SPG11: variants seen among roughly 807,000 people sequenced by gnomAD.
SPG11 encodes SPG11 vesicle trafficking associated, spatacsin, also known as spatacsin.
SPG11 carries 222 observed loss-of-function variants against 274.0 expected under a neutral mutation model. The ratio of observed to expected loss-of-function variants is 0.81; its 90% CI spans 0.73 to 0.91. SPG11 has a LOEUF of 0.91. SPG11 is among the 40% of genes least tolerant of loss of function. The probability of loss-of-function intolerance (pLI) is 0.00; values close to 1 mark genes in which losing one functional copy is unlikely to be tolerated. For synonymous variants in SPG11, 1,144 were observed against 1,039.7 expected (o/e 1.10, Z -1.93); for missense variants, 3,114 against 2,872.7 (o/e 1.08, Z -1.92).
intron 35 of SPG11, among the ~76,000 whole-genome samples, chr15:44,567,882 A>G (rs1425517561): frequency 1.3e-5 from 2 of 152,248 alleles, no homozygotes; most frequent in Non-Finnish European, 2.9e-5. Flanking sequence ...CTAAAGAGAT[A>G]AGCAGAGAAA....
chr15:44,598,451 T>G, intron 22 of SPG11, 78 bp from the exon 23 acceptor site: 7 of 1,387,470 alleles, frequency 5.0e-6, no homozygotes, highest in Non-Finnish European at 7.1e-6. Context: ...ATAGTGTGGC[T>G]CAGGGCCATT....
At chr15:44,636,948 A>C (rs1328305202) in intron 7 of SPG11, among the ~76,000 whole-genome samples, 40 of 131,002 alleles carry the variant, frequency 3.1e-4, no homozygotes, top group East Asian at 2.0e-3. Context: ...AAAAAAAAAA[A>C]AAAAAAAAAC....
rs189129224 is a variant in SPG11, at chr15:44,620,522, A to G, written c.2621-119T>C. 7.3e-4 allele frequency: 552 copies of G among 755,336 alleles called. 1 individual carries two copies. Among genetic ancestry groups the G allele is most frequent in the Middle Eastern group, 4.9e-3 (13 of 2,638 alleles). The allele number at this position is 755,336 out of a possible 1,614,324, so 46.8% of individuals were successfully genotyped here. A position where few individuals can be genotyped will look rare whatever the true frequency, so the allele number is the denominator to read the frequency against. ...ACATAGATATTTATACAATATATTA[A>G]TTATTCAGGTCCTCTGTTTTACTAT... On this transcript the variant is annotated intron_variant, in intron 14 of 39. Coordinates refer to ENST00000261866, the MANE Select transcript of SPG11 (RefSeq NM_025137.4).
intron 19 of SPG11, among the ~76,000 whole-genome samples, chr15:44,606,830 C>T (rs528430035): frequency 4.8e-4 from 73 of 152,300 alleles, no homozygotes; most frequent in Non-Finnish European, 4.4e-5. Flanking sequence ...AATCAGTCCA[C>T]TTGAAAACAG....
intron 12 of SPG11, 166 bp from the exon 13 acceptor site, chr15:44,622,513 T>C (rs2083782014): frequency 2.6e-6 from 2 of 757,568 alleles, no homozygotes; most frequent in Non-Finnish European, 4.2e-6. Flanking sequence ...TTTGAGTTAA[T>C]GTATGTTAAC....
intron 4 of SPG11, among the ~76,000 whole-genome samples, chr15:44,656,338 A>G (rs1373713765): frequency 6.6e-6 from 1 of 152,256 alleles, no homozygotes; most frequent in Non-Finnish European, 1.5e-5. Flanking sequence ...GGCAGAAAAA[A>G]AGATTTCAAT....
chr15:44,572,235 T>C (rs1009424810), intron 33 of SPG11, among the ~76,000 whole-genome samples: 1 of 152,236 alleles, frequency 6.6e-6, no homozygotes, highest in South Asian at 2.1e-4. Context: ...GAGTATAATG[T>C]CATTTTTTAA....
At chr15:44,593,918 T>C (rs1002878001) in intron 26 of SPG11, among the ~76,000 whole-genome samples, 6 of 150,668 alleles carry the variant, frequency 4.0e-5, no homozygotes, top group Admixed American at 4.0e-4. Flanking sequence ...CACGCCCGGC[T>C]TTTTTCTTTT....
chr15:44,600,400 T>C lies in SPG11; in HGVS notation c.3686+67A>G, dbSNP rs1459953753. 1.5e-5 allele frequency: 23 copies of C among 1,568,202 alleles called. 1 individual carries two copies. In the South Asian group the frequency reaches 2.5e-4, roughly 17 times the overall value. On this transcript the variant is annotated intron_variant, in intron 21 of 39. Coordinates refer to ENST00000261866, the MANE Select transcript of SPG11 (RefSeq NM_025137.4). ...CCTGGGCTCAAGTGATCCTCCTGCTTCCCAAAGTGCTGGGATTACAGGTGT... is the reference window on the plus strand; with the variant it reads ...CCTGGGCTCAAGTGATCCTCCTGCTCCCCAAAGTGCTGGGATTACAGGTGT...
intron 20 of SPG11, among the ~76,000 whole-genome samples, chr15:44,602,604 A>G (rs1595868644): frequency 6.6e-6 from 1 of 151,404 alleles, no homozygotes; most frequent in Non-Finnish European, 1.5e-5. Flanking sequence ...TCAGCCTCCC[A>G]AGTAGGTGGG....
rs753920931 is a variant in SPG11 at position 44,589,368 on chromosome 15, C to T, written c.4790G>A (p.Trp1597Ter). The change falls in exon 28 of 40, where the codon TGG (tryptophan) becomes TAG (stop). Residue 1597 changes from tryptophan (W) to a stop codon, truncating the protein, a stop_gained. Coordinates refer to ENST00000261866, the MANE Select transcript of SPG11 (RefSeq NM_025137.4). LOFTEE classifies it high-confidence loss of function. ...TKVHPVIPAMWLEDQVCFLLK... is the reference protein window; with the variant it reads ...TKVHPVIPAM ...AAGGAAACACACCTGATCCTCCAGCCACATGGCAGGGATGACAGGGTGGAC... is the reference window on the plus strand; with the variant it reads ...AAGGAAACACACCTGATCCTCCAGCTACATGGCAGGGATGACAGGGTGGAC... 1.5e-5 allele frequency: 24 copies of T among 1,614,148 alleles called. No individual in the cohort carries two copies. The highest frequency in any genetic ancestry group is 1.7e-5 in the Non-Finnish European group (20 of 1,179,976).
chr15:44,587,444 C>G (rs2140953208), intron 28 of SPG11, among the ~76,000 whole-genome samples: 1 of 152,224 alleles, frequency 6.6e-6, no homozygotes, highest in Middle Eastern at 3.4e-3. Flanking sequence ...AATCCCAGCA[C>G]CATGGGAGGC....
chr15:44,598,458 C>T (rs528047408), intron 22 of SPG11, 85 bp from the exon 23 acceptor site: 2 of 1,334,756 alleles, frequency 1.5e-6, no homozygotes, highest in African/African-American at 1.4e-5. Context: ...GGCTCAGGGC[C>T]ATTTCAGAAC....
chr15:44,592,510 A>T (rs1357804363), intron 26 of SPG11, 72 bp from the exon 27 acceptor site: 2 of 905,340 alleles, frequency 2.2e-6, no homozygotes, highest in Non-Finnish European at 3.7e-6. Context: ...ATGCCAAATA[A>T]GAGAATGTTA....
At chr15:44,659,355 T>G in intron 2 of SPG11, 52 bp from the exon 3 acceptor site, 11 of 1,456,024 alleles carry the variant, frequency 7.6e-6, no homozygotes, top group Non-Finnish European at 9.6e-6. Context: ...ATTTTACAAC[T>G]GGTACATTTG....
chr15:44,635,679 G>A (rs2084224733), intron 7 of SPG11, among the ~76,000 whole-genome samples: 2 of 151,326 alleles, frequency 1.3e-5, no homozygotes, highest in African/African-American at 4.9e-5. Context: ...CATTTTGGGA[G>A]GCTGATGAGG....
chr15:44,627,884 C>G (rs977320429), intron 10 of SPG11, among the ~76,000 whole-genome samples: 1 of 152,126 alleles, frequency 6.6e-6, no homozygotes, highest in East Asian at 1.9e-4. Context: ...CCACCGTACC[C>G]GGATAATTTC....
chr15:44,608,106 C>A (rs1471659983), intron 19 of SPG11, among the ~76,000 whole-genome samples: 1 of 152,116 alleles, frequency 6.6e-6, no homozygotes, highest in Non-Finnish European at 1.5e-5. Flanking sequence ...CCTTCATTTT[C>A]CTGGGGCATC....
intron 4 of SPG11, among the ~76,000 whole-genome samples, chr15:44,653,773 C>T (rs1319123939): frequency 6.6e-6 from 1 of 152,156 alleles, no homozygotes; most frequent in Non-Finnish European, 1.5e-5. Context: ...ACATTCAAGA[C>T]ACACAGTAGG....
Sources: allele counts gnomAD v4.1 joint callset (sites outside exome capture counted in the v4.1 genomes callset), GRCh38; gene constraint gnomAD v4.1.1; transcripts MANE v1.5; gene names NCBI Gene and HGNC (gene_info 2026-07-23, HGNC 2026-07-21).